The following ZNF572 variants were observed in gnomAD, a reference collection of about 807,000 sequenced individuals.
ZNF572 encodes zinc finger protein 572.
In ZNF572, 2 loss-of-function variants were observed where a neutral mutation model predicts 3.8. The observed-to-expected ratio is 0.52, with a 90% CI of 0.21 to 1.65. ZNF572 has a LOEUF of 1.65. Ranked by LOEUF, ZNF572 falls within the 40% of genes most tolerant of loss-of-function variation. The pLI, the probability that ZNF572 is intolerant of heterozygous loss-of-function variation, is 0.20. For missense variants in ZNF572, 581 were observed against 633.4 expected (o/e 0.92, Z 0.89); for synonymous variants, 187 against 204.5 (o/e 0.91, Z 0.73).
chr8:124,977,461 AT>A lies in ZNF572; in HGVS notation c.1194del (p.Leu399SerfsTer30), dbSNP rs1349602745. ...GGGAAGAGTTTTGGCCTTAGCTCCC[AT>A]CTCATTAGACATCAGAGAACACATA... Reference protein sequence around the residue: ...ECGKSFGLSSHLIRHQRTHTG... With the variant: ...ECGKSFGLSSXLIRHQRTHTG... On this transcript the variant is annotated frameshift_variant, in exon 3 of 3. Transcript: ENST00000319286. LOFTEE classifies it low-confidence loss of function (END_TRUNC). The A allele has an allele frequency of 6.2e-7, 1 of 1,614,166 alleles. No homozygotes were observed. The highest frequency in any genetic ancestry group is 1.7e-5 in the Admixed American group (1 of 60,022).
At position 124,978,650 on chromosome 8, in the gene ZNF572, A is replaced by G. The variant is rs2129830139; in HGVS notation, c.*792A>G. 1 of 152,330 alleles carries G rather than the reference A, an allele frequency of 6.6e-6. No homozygotes were observed. Among genetic ancestry groups the G allele is most frequent in the East Asian group, 1.9e-4 (1 of 5,188 alleles). 9.4% of individuals were successfully genotyped at this position (152,330 alleles called of 1,614,324 possible). On this transcript the variant is annotated 3_prime_UTR_variant, in exon 3 of 3. Transcript: ENST00000319286. ...ATATAGAGTAGAATTGGGATAGAGT[A>G]TTGAAGACACTGGGTTTAGACATTG... is the stretch of plus-strand genomic sequence containing the variant.
rs768972893 is a variant in ZNF572 at position 124,976,702 on chromosome 8, C to T, written c.434C>T (p.Ser145Phe). The T allele has an allele frequency of 3.1e-6, 5 of 1,614,170 alleles. No homozygotes were observed. Among genetic ancestry groups the T allele is most frequent in the Admixed American group, 1.7e-5 (1 of 60,024 alleles). Residue 145 changes from serine (S) to phenylalanine (F), a missense_variant, in exon 3 of 3, where the codon TCT becomes TTT. Physicochemically the swap from Ser to Phe is radical, Grantham distance 155. Transcript: ENST00000319286. ...TGTTGGAAAAGCTTCAGTAATAGTT[C>T]TCATTTGCGTACTCACCAGAGGACC... ...SECWKSFSNS[S>F]HLRTHQRTHS...
chr8:124,973,664 C>A (rs879289274), intron 1 of ZNF572, among the ~76,000 whole-genome samples: 1 of 152,170 alleles, frequency 6.6e-6, no homozygotes, highest in Non-Finnish European at 1.5e-5. Context: ...TACCAGCCAG[C>A]GGTTCTTAAA....
At position 124,977,580 on chromosome 8, in the gene ZNF572, A is replaced by G; in HGVS notation, c.1312A>G (p.Lys438Glu). The G allele has an allele frequency of 6.2e-7, 1 of 1,614,222 alleles. No individual in the cohort carries two copies. Among genetic ancestry groups the G allele is most frequent in the South Asian group, 1.1e-5 (1 of 91,086 alleles). Residue 438 changes from lysine to glutamate, a missense_variant, in exon 3 of 3, where the codon AAA becomes GAA. Physicochemically the swap from Lys to Glu is moderately conservative, Grantham distance 56. Transcript: ENST00000319286. Reference sequence around the variant, plus strand: ...TCACCAAAGGACACATACAGGAGAGAAACCTTATAAATGTCCTGATTGTGG... The same window carrying G: ...TCACCAAAGGACACATACAGGAGAGGAACCTTATAAATGTCCTGATTGTGG... ...VIHQRTHTGE[K>E]PYKCPDCGES...
At position 124,977,591 on chromosome 8, in the gene ZNF572, A is replaced by C; in HGVS notation, c.1323A>C (p.Lys441Asn). The change falls in exon 3 of 3, where the codon AAA becomes AAC. Residue 441 changes from lysine to asparagine, a missense_variant. Lys to Asn is a moderately conservative substitution (Grantham distance 94). Transcript: ENST00000319286. ...QRTHTGEKPY[K>N]CPDCGESFSQ... Reference sequence around the variant, plus strand: ...CACATACAGGAGAGAAACCTTATAAATGTCCTGATTGTGGTGAAAGCTTCA... The same window carrying C: ...CACATACAGGAGAGAAACCTTATAACTGTCCTGATTGTGGTGAAAGCTTCA... The C allele has an allele frequency of 6.2e-7, 1 of 1,614,202 alleles. No individual in the cohort carries two copies.
chr8:124,975,274 TA>T (rs929414413), intron 1 of ZNF572, among the ~76,000 whole-genome samples: 289 of 152,136 alleles, frequency 1.9e-3, no homozygotes, highest in African/African-American at 5.3e-3. Context: ...ATTGGTGTCT[TA>T]AAAAAAATAC....
intron 1 of ZNF572, among the ~76,000 whole-genome samples, chr8:124,974,610 ATATTCT>A (rs1814480862): frequency 6.6e-6 from 1 of 152,168 alleles, no homozygotes. Context: ...GATACTCTTT[ATATTCT>A]GAAATGGATG....
In ZNF572 at chr8:124,976,481, G is replaced by T; in HGVS notation, c.213G>T (p.Met71Ile). The T allele has an allele frequency of 6.2e-7, 1 of 1,614,136 alleles. No homozygotes were observed. Among genetic ancestry groups the T allele is most frequent in the Non-Finnish European group, 8.5e-7 (1 of 1,180,006 alleles). The change falls in exon 3 of 3, where the codon ATG (methionine) becomes ATT (isoleucine). Residue 71 changes from methionine to isoleucine, a missense_variant. Transcript: ENST00000319286. ...ATAAGCATGAGGATGCAAAAGAAATGCCACTGACATGGGTTCAAGATGAGA... is the reference window on the plus strand; with the variant it reads ...ATAAGCATGAGGATGCAAAAGAAATTCCACTGACATGGGTTCAAGATGAGA... Reference protein sequence around the residue: ...QHYKHEDAKEMPLTWVQDEIW... With the variant: ...QHYKHEDAKEIPLTWVQDEIW...
chr8:124,977,894 T>C lies in ZNF572; in HGVS notation c.*36T>C, dbSNP rs375433790. The C allele has an allele frequency of 5.0e-4, 764 of 1,522,684 alleles. No individual in the cohort carries two copies. Among genetic ancestry groups the C allele is most frequent in the Admixed American group, 1.0e-3 (47 of 45,600 alleles). The allele number at this position is 1,522,684 out of a possible 1,614,324, so 94.3% of individuals were successfully genotyped here. A position where few individuals can be genotyped will look rare whatever the true frequency, so the allele number is the denominator to read the frequency against. ...CTGGTTGGTGATGGTTTTTTCTTCC[T>C]TGTTGGACCATGACAATTTAGGTAT... is the stretch of plus-strand genomic sequence containing the variant. On this transcript the variant is annotated 3_prime_UTR_variant, in exon 3 of 3. Coordinates refer to ENST00000319286, the MANE Select transcript of ZNF572 (RefSeq NM_152412.3).
intron 1 of ZNF572, among the ~76,000 whole-genome samples, chr8:124,975,297 A>C (rs1192447823): frequency 6.6e-6 from 1 of 152,180 alleles, no homozygotes; most frequent in Non-Finnish European, 1.5e-5. Context: ...TTGCTTTTTA[A>C]AGTAAAAGTG....
chr8:124,977,957 T>TTGTCAATCAAA lies in ZNF572; in HGVS notation c.*105_*106insTCAAATGTCAA. The TTGTCAATCAAA allele has an allele frequency of 7.5e-7, 1 of 1,338,928 alleles. No homozygotes were observed. Among genetic ancestry groups the TTGTCAATCAAA allele is most frequent in the Non-Finnish European group, 1.0e-6 (1 of 1,004,562 alleles). The allele number at this position is 1,338,928 out of a possible 1,614,324, so 82.9% of individuals were successfully genotyped here. A position where few individuals can be genotyped will look rare whatever the true frequency, so the allele number is the denominator to read the frequency against. On this transcript the variant is annotated 3_prime_UTR_variant, in exon 3 of 3. Coordinates refer to ENST00000319286, the MANE Select transcript of ZNF572 (RefSeq NM_152412.3). ...GTGCTATAAAGTTTCTTTGATGTGT[T>TTGTCAATCAAA]TGTCAAAACATTTGGAAAAAGTCAA...
rs1814546610 is a variant in ZNF572, at chr8:124,978,620, T to C, written c.*762T>C. 6.6e-6 allele frequency: 1 copy of C among 152,140 alleles called. No individual in the cohort carries two copies. The highest frequency in any genetic ancestry group is 6.5e-5 in the Admixed American group (1 of 15,272). The allele number at this position is 152,140 out of a possible 1,614,324, so 9.4% of individuals were successfully genotyped here. A position where few individuals can be genotyped will look rare whatever the true frequency, so the allele number is the denominator to read the frequency against. ...TGGAGGGTTTGCTCTCCAAAAAGAA[T>C]TGTAATATAGAGTAGAATTGGGATA... is the stretch of plus-strand genomic sequence containing the variant. On this transcript the variant is annotated 3_prime_UTR_variant, in exon 3 of 3. Transcript: ENST00000319286.
Position 124,976,985 on chromosome 8 carries a change from A to T in ZNF572, c.717A>T (p.Thr239=). The change falls in exon 3 of 3, where the codon ACA becomes ACT. Residue 239 remains threonine (T), a synonymous_variant. Transcript: ENST00000319286. ...SHLIQHHRSH[T]GEKPYECSVC... ...TTATTCAGCATCACAGATCACATAC[A>T]GGTGAAAAACCATATGAATGTTCTG... 1 of 1,614,220 alleles carries T rather than the reference A, an allele frequency of 6.2e-7. No individual in the cohort carries two copies. Among genetic ancestry groups the T allele is most frequent in the Non-Finnish European group, 8.5e-7 (1 of 1,180,036 alleles).
Position 124,974,034 on chromosome 8 carries a change from GT to G in ZNF572, c.-36+624del, listed in dbSNP as rs1385109460. Among the ~76,000 whole-genome samples, 3 of 152,038 alleles carry G rather than the reference GT, an allele frequency of 2.0e-5. 1 individual carries two copies. The highest frequency in any genetic ancestry group is 4.4e-5 in the Non-Finnish European group (3 of 68,012). ...TCCTTTTTTTGCATTCAGGTGTATG[GT>G]TTTTTCTCCCCCCCAACTCAAACAC... On this transcript the variant is annotated intron_variant, in intron 1 of 2. Coordinates refer to ENST00000319286, the MANE Select transcript of ZNF572 (RefSeq NM_152412.3).
intron 1 of ZNF572, among the ~76,000 whole-genome samples, chr8:124,975,030 C>T (rs866169945): frequency 2.0e-5 from 3 of 152,312 alleles, no homozygotes; most frequent in Admixed American, 6.5e-5. Flanking sequence ...GAAGAGGTCC[C>T]TCTTTAGCCT....
intron 2 of ZNF572, among the ~76,000 whole-genome samples, 156 bp from the exon 3 acceptor site, chr8:124,976,192 A>C (rs1056686606): frequency 1.3e-5 from 2 of 152,242 alleles, no homozygotes; most frequent in Non-Finnish European, 2.9e-5. Flanking sequence ...CTTCTGGTAA[A>C]CAGAGGAAAA....
Position 124,977,762 on chromosome 8 carries a change from C to T in ZNF572, c.1494C>T (p.Pro498=), listed in dbSNP as rs75150612. ...ACGTAGAAAAGCCTTTTGAGTCTCC[C>T]GACGTTGGGGATTTTCCTCATGAAT... ...KIHVEKPFES[P]DVGDFPHEWT... is the part of the protein sequence containing the mutation. The change falls in exon 3 of 3, where the codon CCC becomes CCT. Residue 498 remains proline (P), a synonymous_variant. Transcript: ENST00000319286. 433 of 1,614,126 alleles carry T rather than the reference C, an allele frequency of 2.7e-4. No homozygotes were observed. The African/African-American group carries it at 3.3e-3, about 12-fold the overall frequency.
Position 124,976,851 on chromosome 8 carries a change from A to G in ZNF572, c.583A>G (p.Lys195Glu). 6.2e-7 allele frequency: 1 copy of G among 1,613,562 alleles called. No homozygotes were observed. Among genetic ancestry groups the G allele is most frequent in the Non-Finnish European group, 8.5e-7 (1 of 1,179,840 alleles). The change falls in exon 3 of 3, where the codon AAA becomes GAA. Residue 195 changes from lysine (K) to glutamate (E), a missense_variant. Coordinates refer to ENST00000319286, the MANE Select transcript of ZNF572 (RefSeq NM_152412.3). ...GCCCTACCAGTGTGGTGAATGTGGG[A>G]AAAGCTTCAGCAATACCTCCCATCT... ...EKPYQCGECG[K>E]SFSNTSHLII... is the part of the protein sequence containing the mutation.
rs141300302 is a variant in ZNF572, at chr8:124,976,249, A to T, written c.80-99A>T. 2.0e-4 allele frequency: 201 copies of T among 1,014,366 alleles called. No individual in the cohort carries two copies. In the African/African-American group the frequency reaches 2.9e-3, roughly 14 times the overall value. The allele number at this position is 1,014,366 out of a possible 1,614,324, so 62.8% of individuals were successfully genotyped here. A position where few individuals can be genotyped will look rare whatever the true frequency, so the allele number is the denominator to read the frequency against. ...ACTTTTTTATATGAAATTATTTATG[A>T]GGTTTTACAGTGTTATTTCCTCTCT... is the stretch of plus-strand genomic sequence containing the variant. On this transcript the variant is annotated intron_variant, in intron 2 of 2. Transcript: ENST00000319286.
Sources: allele counts gnomAD v4.1 joint callset (sites outside exome capture counted in the v4.1 genomes callset), GRCh38; gene constraint gnomAD v4.1.1; transcripts MANE v1.5; gene names NCBI Gene and HGNC (gene_info 2026-07-23, HGNC 2026-07-21).